Variants in GPR89B observed in about 807,000 individuals in gnomAD.
GPR89B encodes the protein golgi pH regulator B.
GPR89B carries 25 observed loss-of-function variants against 52.4 expected under a neutral mutation model. That is an observed-to-expected ratio of 0.48 (90% CI 0.35 to 0.67). The LOEUF is 0.67. GPR89B is among the 30% of genes least tolerant of loss of function. The pLI is 0.01. For missense variants in GPR89B, 146 were observed against 450.2 expected (o/e 0.32, Z 6.11); for synonymous variants, 52 against 151.2 (o/e 0.34, Z 4.81).
intron 7 of GPR89B, among the ~76,000 whole-genome samples, chr1:147,961,496 T>C (rs1656563169): frequency 2.0e-5 from 3 of 152,264 alleles, no homozygotes; most frequent in African/African-American, 7.2e-5. Context: ...CATTGTAGAA[T>C]ACCAAATGAA....
intron 1 of GPR89B, among the ~76,000 whole-genome samples, chr1:147,934,808 C>T (rs1553247587): frequency 6.6e-6 from 1 of 152,056 alleles, no homozygotes; most frequent in Non-Finnish European, 1.5e-5. Flanking sequence ...AGGGTAGTAA[C>T]CATCCTATTC....
At chr1:147,936,142 G>A (rs1654067434) in intron 1 of GPR89B, among the ~76,000 whole-genome samples, 1 of 151,972 alleles carries the variant, frequency 6.6e-6, no homozygotes, top group South Asian at 2.1e-4. Flanking sequence ...CTCAGCCTTT[G>A]GAGTAGCTGG....
downstream of GPR89B, chr1:147,994,158 T>C: frequency 5.6e-6 from 7 of 1,256,638 alleles, no homozygotes; most frequent in Non-Finnish European, 7.5e-6. Flanking sequence ...CAGAAGACAA[T>C]CACACATGGT....
chr1:147,997,351 A>T (rs1201055831), downstream of GPR89B, among the ~76,000 whole-genome samples: 1 of 152,194 alleles, frequency 6.6e-6, no homozygotes, highest in African/African-American at 2.4e-5. Flanking sequence ...GTCTGAGTGA[A>T]CTACAGAAAA....
chr1:147,946,533 G>T (rs1296662130), intron 5 of GPR89B, among the ~76,000 whole-genome samples: 1 of 152,100 alleles, frequency 6.6e-6, no homozygotes, highest in African/African-American at 2.4e-5. Flanking sequence ...CTATTTCAAA[G>T]AAACCCACAG....
chr1:147,949,427 CCGGG>C (rs1655327823), intron 5 of GPR89B, among the ~76,000 whole-genome samples: 2 of 35,858 alleles, frequency 5.6e-5, no homozygotes, highest in African/African-American at 1.4e-4. Context: ...GGGCGGCTGG[CCGGG>C]TGGGGGGCTG....
At chr1:147,971,898 C>T (rs1177482674) in intron 10 of GPR89B, among the ~76,000 whole-genome samples, 4 of 151,484 alleles carry the variant, frequency 2.6e-5, no homozygotes, top group South Asian at 2.1e-4. Context: ...ACCATCACCA[C>T]GGTCAAGACA....
chr1:148,008,990 A>C, the GPR89B span, among the ~76,000 whole-genome samples: 18 of 152,200 alleles, frequency 1.2e-4, no homozygotes, highest in Middle Eastern at 6.8e-3. Flanking sequence ...CTTGCCTTTT[A>C]TTCCTTATTC....
the GPR89B span, among the ~76,000 whole-genome samples, chr1:148,017,311 G>A: frequency 5.9e-5 from 9 of 151,308 alleles, no homozygotes; most frequent in Admixed American, 3.3e-4. Flanking sequence ...CAAAGTGCTG[G>A]GATTACAGGC....
At chr1:147,995,438 C>G (rs1158157762), downstream of GPR89B, among the ~76,000 whole-genome samples, 1 of 151,918 alleles carries the variant, frequency 6.6e-6, no homozygotes, top group African/African-American at 2.4e-5. Flanking sequence ...ATACTGCCTC[C>G]TGTCCTCTAC....
In GPR89B at chr1:147,993,566, GTAT is replaced by G. The variant is rs1659218825; in HGVS notation, c.*653_*655del. On this transcript the variant is annotated 3_prime_UTR_variant, in exon 14 of 14. Transcript: ENST00000314163. ...TTTTTCTTGATTTCCTGTGAACTTAGTATTATACCCTACTTTCAATTCGGTAGT... is the reference window on the plus strand; with the variant it reads ...TTTTTCTTGATTTCCTGTGAACTTAGTATACCCTACTTTCAATTCGGTAGT... The G allele has an allele frequency of 1.2e-5, 2 of 164,136 alleles. No homozygotes were observed. Among genetic ancestry groups the G allele is most frequent in the African/African-American group, 4.8e-5 (2 of 41,406 alleles). The allele number at this position is 164,136 out of a possible 1,614,324, so 10.2% of individuals were successfully genotyped here.
At chr1:148,025,043 C>T in the GPR89B span, among the ~76,000 whole-genome samples, 16 of 151,966 alleles carry the variant, frequency 1.1e-4, no homozygotes, top group East Asian at 2.7e-3. Flanking sequence ...TGTCCTTAAT[C>T]GACACCATCC....
chr1:147,937,654 CAAG>C (rs2083125252), intron 2 of GPR89B, among the ~76,000 whole-genome samples: 1 of 152,148 alleles, frequency 6.6e-6, no homozygotes, highest in African/African-American at 2.4e-5. Context: ...TCGCTTTCTG[CAAG>C]AAGAAGAATA....
At chr1:148,002,805 T>C in the GPR89B span, among the ~76,000 whole-genome samples, 1 of 152,176 alleles carries the variant, frequency 6.6e-6, no homozygotes, top group Non-Finnish European at 1.5e-5. Flanking sequence ...TGTGCCAGTG[T>C]CTCCTGACTG....
intron 10 of GPR89B, among the ~76,000 whole-genome samples, chr1:147,972,534 A>G (rs1262462801): frequency 6.6e-6 from 1 of 151,742 alleles, no homozygotes; most frequent in Non-Finnish European, 1.5e-5. Context: ...ATACGAGGTG[A>G]TATTGCATTG....
intron 10 of GPR89B, among the ~76,000 whole-genome samples, chr1:147,972,346 G>A (rs1170404508): frequency 3.3e-5 from 5 of 151,248 alleles, no homozygotes; most frequent in Non-Finnish European, 7.4e-5. Context: ...GCACTTAGGA[G>A]TGGAATGTCT....
chr1:147,949,985 A>C (rs1236737499), intron 5 of GPR89B, among the ~76,000 whole-genome samples: 3 of 110,586 alleles, frequency 2.7e-5, no homozygotes, highest in African/African-American at 7.4e-5. Context: ...TGACCCCCCC[A>C]CCTCCCTCCC....
the GPR89B span, among the ~76,000 whole-genome samples, chr1:148,007,902 C>T: frequency 6.6e-6 from 1 of 151,908 alleles, no homozygotes; most frequent in South Asian, 2.1e-4. Flanking sequence ...AAGCACATGC[C>T]ACGTGGAGAT....
the GPR89B span, among the ~76,000 whole-genome samples, chr1:148,021,326 C>A: frequency 3.4e-3 from 519 of 151,852 alleles, 2 homozygotes; most frequent in Non-Finnish European, 5.9e-3. Context: ...CATGGTGAAA[C>A]CCCGTCTCTA....
Sources: gnomAD v4.1 joint callset for allele counts (sites outside exome capture counted in the v4.1 genomes callset) on GRCh38, gnomAD v4.1.1 for gene constraint, MANE v1.5 for transcripts, NCBI Gene and HGNC (gene_info 2026-07-23, HGNC 2026-07-21) for gene names.